The following TASP1 variants were observed in gnomAD, a reference collection of about 807,000 sequenced individuals.
The protein encoded by TASP1 is threonine aspartase 1.
A neutral mutation model predicts 56.6 loss-of-function variants in TASP1; 16 were observed. That is an observed-to-expected ratio of 0.28 (90% CI 0.19 to 0.43). The LOEUF is 0.43. TASP1 is among the 20% of genes least tolerant of loss of function. TASP1 has a pLI of 1.00. For synonymous variants in TASP1, 179 were observed against 184.2 expected (o/e 0.97, Z 0.23); for missense variants, 393 against 511.6 (o/e 0.77, Z 2.24).
At chr20:13,528,797 T>C (rs1182511191) in intron 9 of TASP1, among the ~76,000 whole-genome samples, 3 of 151,976 alleles carry the variant, frequency 2.0e-5, no homozygotes, top group Non-Finnish European at 4.4e-5. Context: ...CTTCTCCCTT[T>C]TGTAATTTGT....
the TASP1 span, among the ~76,000 whole-genome samples, chr20:13,277,525 T>G: frequency 2.0e-5 from 3 of 152,304 alleles, no homozygotes; most frequent in Admixed American, 6.5e-5. Flanking sequence ...TCTCCACTTG[T>G]CTTTCTGAGC....
chr20:13,358,822 G>C, the TASP1 span, among the ~76,000 whole-genome samples: 9 of 151,126 alleles, frequency 6.0e-5, no homozygotes, highest in African/African-American at 2.2e-4. Context: ...CGCCTGCCTT[G>C]GTCCTTCACC....
the TASP1 span, among the ~76,000 whole-genome samples, chr20:13,146,968 T>G: frequency 6.6e-6 from 1 of 152,226 alleles, no homozygotes; most frequent in Admixed American, 6.5e-5. Context: ...AAAAGCCAGT[T>G]CCTGGCTCAC....
chr20:13,440,371 T>A (rs1418071381), intron 11 of TASP1, among the ~76,000 whole-genome samples: 1 of 152,008 alleles, frequency 6.6e-6, no homozygotes, highest in African/African-American at 2.4e-5. Flanking sequence ...GAGAAGATAA[T>A]GGGATTCCAG....
intron 4 of TASP1, among the ~76,000 whole-genome samples, chr20:13,601,893 T>C (rs1424828235): frequency 9.3e-6 from 1 of 107,006 alleles, no homozygotes; most frequent in Non-Finnish European, 1.8e-5. Context: ...TTTTTTTTTT[T>C]TGAGACAGAG....
chr20:13,527,856 A>G (rs2146852261), intron 10 of TASP1, among the ~76,000 whole-genome samples: 1 of 152,290 alleles, frequency 6.6e-6, no homozygotes, highest in East Asian at 1.9e-4. Context: ...ACTTGGCAGC[A>G]TCATGGGTCA....
chr20:13,138,851 G>A, the TASP1 span, among the ~76,000 whole-genome samples: 19 of 152,184 alleles, frequency 1.2e-4, no homozygotes, highest in African/African-American at 4.6e-4. Flanking sequence ...TCAAGCCAAT[G>A]CTACTTAAAT....
intron 4 of TASP1, among the ~76,000 whole-genome samples, chr20:13,593,533 C>T (rs2047613022): frequency 6.6e-6 from 1 of 152,234 alleles, no homozygotes; most frequent in Non-Finnish European, 1.5e-5. Flanking sequence ...TAGCAGCCGG[C>T]AGACCAGGAG....
chr20:13,227,661 A>G, the TASP1 span, among the ~76,000 whole-genome samples: 1 of 150,842 alleles, frequency 6.6e-6, no homozygotes, highest in South Asian at 2.1e-4. Context: ...GGCGCCCGCC[A>G]CCATGCCTGG....
At chr20:13,139,115 A>ATC in the TASP1 span, among the ~76,000 whole-genome samples, 2 of 152,132 alleles carry the variant, frequency 1.3e-5, no homozygotes, top group African/African-American at 4.8e-5. Flanking sequence ...CTCCTCCTCC[A>ATC]TCTTAATAAT....
chr20:13,581,794 A>G (rs1481390512), intron 5 of TASP1, among the ~76,000 whole-genome samples: 1 of 152,216 alleles, frequency 6.6e-6, no homozygotes, highest in East Asian at 1.9e-4. Context: ...TCTTAAATCT[A>G]TCGGATGAGT....
intron 10 of TASP1, among the ~76,000 whole-genome samples, chr20:13,495,135 T>C (rs1190449600): frequency 2.0e-5 from 3 of 152,244 alleles, no homozygotes; most frequent in East Asian, 1.9e-4. Flanking sequence ...CAGCCACATA[T>C]ATTAAATATT....
intron 12 of TASP1, among the ~76,000 whole-genome samples, chr20:13,419,018 G>C (rs192727661): frequency 6.6e-6 from 1 of 152,274 alleles, no homozygotes; most frequent in Non-Finnish European, 1.5e-5. Context: ...TGGACTTGGT[G>C]GTGGGGAGAG....
the TASP1 span, chr20:13,160,082 C>T: frequency 3.1e-6 from 5 of 1,613,616 alleles, no homozygotes; most frequent in African/African-American, 2.7e-5. Context: ...CGCAGAAGCT[C>T]GGGCTCGGTT....
At position 13,600,750 on chromosome 20, in the gene TASP1, A is replaced by C. The variant is rs939569269; in HGVS notation, c.283-13380T>G. The C allele has an allele frequency of 2.6e-5, 4 of 152,342 alleles. 1 individual carries two copies. In the East Asian group the frequency reaches 7.7e-4, roughly 29 times the overall value. 9.4% of individuals were successfully genotyped at this position (152,342 alleles called of 1,614,324 possible). On this transcript the variant is annotated intron_variant, in intron 4 of 13. Transcript: ENST00000337743. Reference sequence around the variant, plus strand: ...TTACTGTTCAAAAGCAATTAAAAAAAGCAAGCCATTATACATATACATATG... The same window carrying C: ...TTACTGTTCAAAAGCAATTAAAAAACGCAAGCCATTATACATATACATATG...
chr20:13,373,951 C>T, the TASP1 span, among the ~76,000 whole-genome samples: 16 of 152,064 alleles, frequency 1.1e-4, no homozygotes, highest in African/African-American at 3.4e-4. Context: ...TCTCACTGTT[C>T]TCCAGATGGT....
intron 5 of TASP1, 57 bp from the exon 6 acceptor site, chr20:13,581,038 C>T: frequency 6.5e-7 from 1 of 1,528,756 alleles, no homozygotes; most frequent in Non-Finnish European, 8.9e-7. Flanking sequence ...TTCTAGTTTC[C>T]CACTCAGTTT....
the TASP1 span, among the ~76,000 whole-genome samples, chr20:13,305,383 G>C: frequency 6.6e-6 from 1 of 152,114 alleles, no homozygotes; most frequent in Non-Finnish European, 1.5e-5. Context: ...CAAATCAAGT[G>C]AGCAATAGTG....
At chr20:13,129,655 A>G in the TASP1 span, among the ~76,000 whole-genome samples, 6 of 152,224 alleles carry the variant, frequency 3.9e-5, no homozygotes, top group Non-Finnish European at 7.3e-5. Flanking sequence ...CAGTTGCTTT[A>G]CATGTATGCA....
Sources: gnomAD v4.1 joint callset for allele counts (sites outside exome capture counted in the v4.1 genomes callset) on GRCh38, gnomAD v4.1.1 for gene constraint, MANE v1.5 for transcripts, NCBI Gene and HGNC (gene_info 2026-07-23, HGNC 2026-07-21) for gene names.